The following LGSN variants were observed in gnomAD, a reference collection of about 807,000 sequenced individuals.
The protein encoded by LGSN is lengsin.
A neutral mutation model predicts 19.5 loss-of-function variants in LGSN; 21 were observed. The observed-to-expected ratio is 1.07, with a 90% CI of 0.76 to 1.55. LGSN has a LOEUF of 1.55. Among genes scored for constraint, LGSN ranks in the 40% most tolerant of loss-of-function variants. LGSN has a pLI of 0.00. For synonymous variants in LGSN, 257 were observed against 215.6 expected (o/e 1.19, Z -1.68); for missense variants, 673 against 608.5 (o/e 1.11, Z -1.12).
At chr6:63,414,825 G>A in the LGSN span, among the ~76,000 whole-genome samples, 1 of 152,160 alleles carries the variant, frequency 6.6e-6, no homozygotes, top group South Asian at 2.1e-4. Flanking sequence ...TGAGGTGGAA[G>A]GATTGCTTGA....
chr6:63,544,204 G>A, the LGSN span, among the ~76,000 whole-genome samples: 1,977 of 152,184 alleles, frequency 0.013, 22 homozygotes, highest in Middle Eastern at 0.02. Context: ...AACATTCTTT[G>A]ATGTAATTTG....
the LGSN span, among the ~76,000 whole-genome samples, chr6:63,437,036 A>C: frequency 6.7e-6 from 1 of 148,884 alleles, no homozygotes; most frequent in Non-Finnish European, 1.5e-5. Context: ...GGCTCTGTCA[A>C]AAAAGAAAGA....
upstream of LGSN, among the ~76,000 whole-genome samples, chr6:63,321,288 G>A (rs75612096): frequency 0.026 from 3,931 of 152,122 alleles, 119 homozygotes; most frequent in African/African-American, 0.07. Context: ...ATGCAAAACA[G>A]GTGCCATTGA....
At chr6:63,420,176 GGA>G in the LGSN span, among the ~76,000 whole-genome samples, 48 of 151,260 alleles carry the variant, frequency 3.2e-4, no homozygotes, top group African/African-American at 9.4e-4. Context: ...GCACTCCAGC[GGA>G]GGCGACAGAC....
the LGSN span, among the ~76,000 whole-genome samples, chr6:63,532,213 T>C: frequency 6.6e-6 from 1 of 152,258 alleles, no homozygotes; most frequent in Non-Finnish European, 1.5e-5. Context: ...AAATTGTTAC[T>C]GAAATTTTGA....
the LGSN span, among the ~76,000 whole-genome samples, chr6:63,432,160 A>AGAAAGG: frequency 2.1e-3 from 209 of 100,066 alleles, 5 homozygotes; most frequent in Admixed American, 5.5e-3. Context: ...AAAGAAAGAA[A>AGAAAGG]GAAAGAAAGA....
chr6:63,477,687 CTTTTT>C, the LGSN span, among the ~76,000 whole-genome samples: 10 of 61,044 alleles, frequency 1.6e-4, no homozygotes, highest in African/African-American at 6.0e-4. Flanking sequence ...TTCTTTTTTT[CTTTTT>C]TTTTTTTTTT....
the LGSN span, among the ~76,000 whole-genome samples, chr6:63,336,551 G>GTATATA: frequency 2.3e-4 from 32 of 139,952 alleles, no homozygotes; most frequent in African/African-American, 9.2e-4. Flanking sequence ...GTGTGTGTGT[G>GTATATA]TGTGTGTGTG....
At chr6:63,545,037 T>G in the LGSN span, among the ~76,000 whole-genome samples, 1 of 152,210 alleles carries the variant, frequency 6.6e-6, no homozygotes, top group Non-Finnish European at 1.5e-5. Context: ...CAAATGGTGA[T>G]TTCTAATTCT....
the LGSN span, chr6:63,441,374 G>GT: frequency 2.1e-6 from 1 of 470,802 alleles, no homozygotes; most frequent in Non-Finnish European, 4.2e-6. Flanking sequence ...TCACCTTGTC[G>GT]TCAGCTTTGC....
the LGSN span, among the ~76,000 whole-genome samples, chr6:63,495,192 G>A: frequency 2.0e-5 from 3 of 151,714 alleles, no homozygotes; most frequent in African/African-American, 4.8e-5. Context: ...TATGTTTATT[G>A]AGCACTTACA....
At chr6:63,483,442 T>A in the LGSN span, among the ~76,000 whole-genome samples, 1 of 151,816 alleles carries the variant, frequency 6.6e-6, no homozygotes, top group African/African-American at 2.4e-5. Context: ...CTGGGCTCAC[T>A]GCAACCTCTG....
rs1164618437 is a variant in LGSN at position 63,294,986 on chromosome 6, CCTT to C, written c.87_89del (p.Arg30del). 1.2e-6 allele frequency: 2 copies of C among 1,613,650 alleles called. No individual in the cohort carries two copies. Among genetic ancestry groups the C allele is most frequent in the South Asian group, 1.1e-5 (1 of 91,074 alleles). On this transcript the variant is annotated inframe_deletion, in exon 2 of 4. Coordinates refer to ENST00000370657, the MANE Select transcript of LGSN (RefSeq NM_016571.3). The stretch of plus-strand genomic sequence containing the variant: ...ATGGTTTAGTGACTTTCTTCCTTGT[CCTT>C]CTTAATGTGTTCATGCTGTTGGCTT...
At chr6:63,297,651 C>G (rs750204144) in intron 1 of LGSN, among the ~76,000 whole-genome samples, 9 of 152,166 alleles carry the variant, frequency 5.9e-5, no homozygotes, top group Non-Finnish European at 1.3e-4. Flanking sequence ...CAGTAAAAAA[C>G]TTACTAGCCC....
chr6:63,516,814 G>C, the LGSN span, among the ~76,000 whole-genome samples: 11 of 152,148 alleles, frequency 7.2e-5, no homozygotes, highest in African/African-American at 2.7e-4. Context: ...CCTACAGCTA[G>C]AATATGGACA....
chr6:63,473,182 C>A, the LGSN span, among the ~76,000 whole-genome samples: 2 of 151,756 alleles, frequency 1.3e-5, no homozygotes, highest in Admixed American at 6.6e-5. Flanking sequence ...ATTAAAAAAT[C>A]TTTTAGTAGG....
At chr6:63,541,811 C>T in the LGSN span, among the ~76,000 whole-genome samples, 1 of 152,166 alleles carries the variant, frequency 6.6e-6, no homozygotes, top group Non-Finnish European at 1.5e-5. Context: ...AGCCAACCTC[C>T]TTACACCCTT....
chr6:63,360,670 C>A, the LGSN span, among the ~76,000 whole-genome samples: 3 of 152,260 alleles, frequency 2.0e-5, no homozygotes. Context: ...AAGTCATTCT[C>A]CGTCCAGCTT....
At chr6:63,312,153 C>T (rs1231101644) in intron 1 of LGSN, among the ~76,000 whole-genome samples, 3 of 152,198 alleles carry the variant, frequency 2.0e-5, no homozygotes, top group African/African-American at 7.2e-5. Context: ...AGGCTGAATA[C>T]TATCCCATTG....
Sources: gnomAD v4.1 joint callset for allele counts (sites outside exome capture counted in the v4.1 genomes callset) on GRCh38, gnomAD v4.1.1 for gene constraint, MANE v1.5 for transcripts, NCBI Gene and HGNC (gene_info 2026-07-23, HGNC 2026-07-21) for gene names.